Variants in RNF32 observed in about 807,000 individuals in gnomAD.
RNF32 encodes the protein ring finger protein 32.
Under a neutral mutation model 41.0 loss-of-function variants are expected in RNF32, and 36 were observed. The observed-to-expected ratio is 0.88, with a 90% CI of 0.67 to 1.16. The LOEUF is 1.16. Among genes scored for constraint, RNF32 ranks in the 50% most tolerant of loss-of-function variants. The pLI is 0.00. For synonymous variants in RNF32, 154 were observed against 160.9 expected, an observed-to-expected ratio of 0.96 and a Z score of 0.32; for missense variants, 413 against 436.7, an observed-to-expected ratio of 0.95 and a Z score of 0.48.
Position 156,654,588 on chromosome 7 carries a change from G to A in RNF32, c.287G>A (p.Gly96Asp). Residue 96 changes from glycine to aspartate, a missense_variant, in exon 4 of 9, where the codon GGC (glycine) becomes GAC (aspartate). Gly to Asp is a moderately conservative substitution (Grantham distance 94, BLOSUM62 -1). Transcript: ENST00000317955. ...PPPLTLAQKL[G>D]LIGPPPPPLS... ...TGTCTTACTTTAGCACAGAAGTTGG[G>A]CCTCATTGGGCCTCCACCACCTCCA... 1 of 1,613,994 alleles carries A rather than the reference G, an allele frequency of 6.2e-7. No homozygotes were observed. Among genetic ancestry groups the A allele is most frequent in the South Asian group, 1.1e-5 (1 of 91,050 alleles).
intron 3 of RNF32, among the ~76,000 whole-genome samples, chr7:156,649,203 T>C (rs1251604981): frequency 1.3e-5 from 2 of 152,144 alleles, no homozygotes; most frequent in Non-Finnish European, 1.5e-5. Context: ...AAAATTCTGC[T>C]GGAGATTTTT....
chr7:156,675,953 C>T, intron 8 of RNF32, 90 bp downstream of exon 8: 2 of 1,347,268 alleles, frequency 1.5e-6, no homozygotes, highest in Non-Finnish European at 2.1e-6. Context: ...GTCGAGGACT[C>T]ACTTTGGGGA....
chr7:156,673,134 C>A (rs910026747), intron 7 of RNF32, among the ~76,000 whole-genome samples: 6 of 152,184 alleles, frequency 3.9e-5, no homozygotes, highest in Admixed American at 3.9e-4. Context: ...CCAAATAGTA[C>A]TTTTATGTCC....
Position 156,669,825 on chromosome 7 carries a change from AGAT to A in RNF32, c.685-5868_685-5866del, listed in dbSNP as rs906263073. Reference sequence around the variant, plus strand: ...CATGGAGGGGAGGCTCAAAATAACCAGATGAGACGTGCAGTTGGGCCTGCAGCA... The same window carrying A: ...CATGGAGGGGAGGCTCAAAATAACCAGAGACGTGCAGTTGGGCCTGCAGCA... On this transcript the variant is annotated intron_variant, in intron 7 of 8. Transcript: ENST00000317955. This position sits in a 1 kb window ranked among gnomAD's most constrained non-coding sequence, Gnocchi z 4.2. 6.6e-6 allele frequency among the ~76,000 whole-genome samples: 1 copy of A among 152,172 alleles called. No individual in the cohort carries two copies. The highest frequency in any genetic ancestry group is 1.5e-5 in the Non-Finnish European group (1 of 68,024).
At chr7:156,659,236 G>C in intron 7 of RNF32, 4 of 1,081,478 alleles carry the variant, frequency 3.7e-6, no homozygotes, top group Non-Finnish European at 4.5e-6. Flanking sequence ...GTGTTGGCCT[G>C]AGAAGAGCTG....
intron 3 of RNF32, among the ~76,000 whole-genome samples, chr7:156,653,808 G>A (rs764142683): frequency 2.7e-4 from 41 of 152,312 alleles, no homozygotes; most frequent in Middle Eastern, 3.4e-3. Flanking sequence ...GTGATGATAC[G>A]TCATAGAAAG....
chr7:156,657,916 A>G lies in RNF32; in HGVS notation c.451-212A>G, dbSNP rs1472693857. Among the ~76,000 whole-genome samples, 3 of 152,224 alleles carry G rather than the reference A, an allele frequency of 2.0e-5. No individual in the cohort carries two copies. In the East Asian group the frequency reaches 5.8e-4, roughly 29 times the overall value. ...TTTCAGAAGTTTTTGATGTCTCTGC[A>G]TGTATATTCTTGTAAGAAATCATTT... On this transcript the variant is annotated intron_variant, in intron 5 of 8. Transcript: ENST00000317955.
chr7:156,675,689 T>G lies in RNF32; in HGVS notation c.685-7T>G. The G allele has an allele frequency of 6.2e-5, 77 of 1,245,134 alleles. No individual in the cohort carries two copies. The highest frequency in any genetic ancestry group is 8.4e-5 in the Non-Finnish European group (72 of 857,070). The allele number at this position is 1,245,134 out of a possible 1,614,324, so 77.1% of individuals were successfully genotyped here. A position where few individuals can be genotyped will look rare whatever the true frequency, so the allele number is the denominator to read the frequency against. On this transcript the variant is annotated splice_polypyrimidine_tract_variant and splice_region_variant and intron_variant, in intron 7 of 8. Coordinates refer to ENST00000317955, the MANE Select transcript of RNF32 (RefSeq NM_030936.4). ...TGTGAGCTTACCCGCCCCCGCCTCC[T>G]CCTCAGTTCACAGAAATCAGCCACC...
intron 2 of RNF32, 131 bp from the exon 3 acceptor site, chr7:156,644,365 CAAT>C: frequency 1.4e-6 from 1 of 696,282 alleles, no homozygotes; most frequent in Non-Finnish European, 2.5e-6. Context: ...ACTTAGGTAA[CAAT>C]GAGTCAAGCA....
In RNF32 at chr7:156,658,264, A is replaced by C. The variant is rs1305969990; in HGVS notation, c.575+12A>C. 2 of 1,612,566 alleles carry C rather than the reference A, an allele frequency of 1.2e-6. No individual in the cohort carries two copies. The highest frequency in any genetic ancestry group is 2.7e-5 in the African/African-American group (2 of 74,806). On this transcript the variant is annotated intron_variant, in intron 6 of 8. Transcript: ENST00000317955. ...AAGTGTGTGACCAGGTGAGGACGCCAGGCCCGTTTGGCGCTAAGCAGACAC... is the reference window on the plus strand; with the variant it reads ...AAGTGTGTGACCAGGTGAGGACGCCCGGCCCGTTTGGCGCTAAGCAGACAC...
At chr7:156,647,208 T>G (rs10251049) in intron 3 of RNF32, among the ~76,000 whole-genome samples, 59,069 of 151,932 alleles carry the variant, frequency 0.39, 11,931 homozygotes, top group African/African-American at 0.49. Context: ...TTTTATTTAT[T>G]TTTATTTCAA....
At chr7:156,668,113 G>A (rs1801638121) in intron 7 of RNF32, among the ~76,000 whole-genome samples, 2 of 152,170 alleles carry the variant, frequency 1.3e-5, no homozygotes, top group African/African-American at 4.8e-5. Flanking sequence ...GCCTTACAAA[G>A]ATGAATTGGT....
intron 7 of RNF32, among the ~76,000 whole-genome samples, chr7:156,673,775 G>A (rs183223490): frequency 8.0e-4 from 122 of 152,188 alleles, no homozygotes; most frequent in African/African-American, 2.9e-3. Context: ...CACAGCACTC[G>A]ACCCTGCGCT....
At chr7:156,665,718 C>G (rs1003135611) in intron 7 of RNF32, among the ~76,000 whole-genome samples, 1 of 152,230 alleles carries the variant, frequency 6.6e-6, no homozygotes, top group Admixed American at 6.5e-5. Context: ...CACCAGCCAT[C>G]TCGATTCTGC....
At position 156,654,732 on chromosome 7, in the gene RNF32, G is replaced by C; in HGVS notation, c.417+14G>C. ...CTTCGTCCTCAGGTGTTTAGCATAC[G>C]AGGGTGAGCTAGAGAGCTCCTGGGC... On this transcript the variant is annotated intron_variant, in intron 4 of 8. Coordinates refer to ENST00000317955, the MANE Select transcript of RNF32 (RefSeq NM_030936.4). The C allele has an allele frequency of 6.2e-7, 1 of 1,612,074 alleles. No homozygotes were observed. Among genetic ancestry groups the C allele is most frequent in the Non-Finnish European group, 8.5e-7 (1 of 1,178,306 alleles).
Position 156,664,988 on chromosome 7 carries a change from G to A in RNF32, c.684+6418G>A, listed in dbSNP as rs76144463. 4.5e-3 allele frequency among the ~76,000 whole-genome samples: 690 copies of A among 152,222 alleles called. 3 individuals carry two copies. The highest frequency in any genetic ancestry group is 0.024 in the Middle Eastern group (7 of 294). ...TAAGATTATAAGTAAAATGAGGCTT[G>A]TTAAGCTTCTAGAAATCAGATTAAG... On this transcript the variant is annotated intron_variant, in intron 7 of 8. Coordinates refer to ENST00000317955, the MANE Select transcript of RNF32 (RefSeq NM_030936.4).
intron 2 of RNF32, 91 bp downstream of exon 2, chr7:156,643,983 AACCC>A: frequency 8.6e-7 from 1 of 1,164,198 alleles, no homozygotes; most frequent in Non-Finnish European, 1.3e-6. Flanking sequence ...CTAGTTTGCA[AACCC>A]TGCTTGAACT....
intron 3 of RNF32, chr7:156,654,249 A>G: frequency 5.8e-6 from 1 of 173,634 alleles, no homozygotes. Context: ...AAAATAATAC[A>G]GATTAAAAAC....
chr7:156,640,224 C>T (rs562562723), upstream of RNF32: 3 of 451,024 alleles, frequency 6.7e-6, no homozygotes, highest in East Asian at 2.1e-4. Flanking sequence ...CGGGGGATCC[C>T]CCAGAAAACT....
Sources: gnomAD v4.1 joint callset for allele counts (sites outside exome capture counted in the v4.1 genomes callset) on GRCh38, gnomAD v4.1.1 for gene constraint, Gnocchi (gnomAD v3.1) non-coding constraint, MANE v1.5 for transcripts, NCBI Gene and HGNC (gene_info 2026-07-23, HGNC 2026-07-21) for gene names.